UTS2: variants seen among roughly 807,000 people sequenced by gnomAD.
The protein encoded by UTS2 is urotensin 2, also known as urotensin-2.
In UTS2, 10 loss-of-function variants were observed where a neutral mutation model predicts 12.6. That is an observed-to-expected ratio of 0.80 (90% CI 0.49 to 1.35). UTS2 has a LOEUF of 1.35. UTS2 is among the 40% of genes most tolerant of loss of function. UTS2 has a pLI of 0.00. For synonymous variants in UTS2, 52 were observed against 50.0 expected, an observed-to-expected ratio of 1.04 and a Z score of -0.17; for missense variants, 142 against 143.2, an observed-to-expected ratio of 0.99 and a Z score of 0.04.
the UTS2 span, among the ~76,000 whole-genome samples, chr1:7,882,161 G>A: frequency 2.2e-4 from 30 of 136,886 alleles, no homozygotes; most frequent in African/African-American, 5.4e-4. Flanking sequence ...AAAGGGAGAC[G>A]CCATCTCTAC....
At chr1:7,869,802 T>C in the UTS2 span, among the ~76,000 whole-genome samples, 59,703 of 152,158 alleles carry the variant, frequency 0.39, 12,559 homozygotes, top group African/African-American at 0.53. Flanking sequence ...CTAGGAGGTT[T>C]GATTGAGAGA....
At chr1:7,905,689 T>G in the UTS2 span, among the ~76,000 whole-genome samples, 3 of 152,122 alleles carry the variant, frequency 2.0e-5, no homozygotes, top group Non-Finnish European at 4.4e-5. Flanking sequence ...TACTGCAACA[T>G]CAGCTCTTCC....
chr1:7,847,718 A>T lies in UTS2; in HGVS notation c.*48T>A, dbSNP rs939376863. On this transcript the variant is annotated 3_prime_UTR_variant, in exon 4 of 4. Transcript: ENST00000361696. ...AATCAAGCATTGTGTTATTTTTCAT[A>T]TTCTAAGATGGGTGTTTCTGAGCTG... The T allele has an allele frequency of 2.8e-6, 4 of 1,417,152 alleles. No individual in the cohort carries two copies. Among genetic ancestry groups the T allele is most frequent in the Non-Finnish European group, 3.9e-6 (4 of 1,012,886 alleles). 87.8% of individuals were successfully genotyped at this position (1,417,152 alleles called of 1,614,324 possible). A position where few individuals can be genotyped will look rare whatever the true frequency, so the allele number is the denominator to read the frequency against.
upstream of UTS2, chr1:7,853,386 G>A (rs200948566): frequency 8.7e-6 from 14 of 1,614,156 alleles, no homozygotes; most frequent in East Asian, 8.9e-5. Context: ...TTATGAGTCC[G>A]AGCAGAAGTG....
At chr1:7,848,315 T>C (rs2151381532) in intron 3 of UTS2, among the ~76,000 whole-genome samples, 1 of 152,034 alleles carries the variant, frequency 6.6e-6, no homozygotes, top group East Asian at 1.9e-4. Context: ...GGCGGGCTCC[T>C]GTAGTCCCAG....
chr1:7,894,165 ATC>A, the UTS2 span, among the ~76,000 whole-genome samples: 4 of 124,650 alleles, frequency 3.2e-5, no homozygotes, highest in African/African-American at 9.2e-5. Flanking sequence ...TTCTTTCTTT[ATC>A]TCTCTCTTTT....
chr1:7,890,789 G>A, the UTS2 span, among the ~76,000 whole-genome samples: 9 of 144,788 alleles, frequency 6.2e-5, no homozygotes, highest in East Asian at 2.0e-4. Flanking sequence ...CCAGCTACTC[G>A]AGAGGCTGAG....
At chr1:7,854,903 G>A (rs946753027), upstream of UTS2, among the ~76,000 whole-genome samples, 1 of 152,130 alleles carries the variant, frequency 6.6e-6, no homozygotes, top group African/African-American at 2.4e-5. Context: ...GCTCACACCT[G>A]TAATCCCAGC....
chr1:7,857,107 T>TGAAGGAAGGAAGGAAGGAAGGAAGGAA (rs1638328760), upstream of UTS2, among the ~76,000 whole-genome samples: 4 of 125,284 alleles, frequency 3.2e-5, no homozygotes, highest in Non-Finnish European at 4.9e-5. Context: ...AGAAAAGGAA[T>TGAAGGAAGGAAGGAAGGAAGGAAGGAA]GAAGGAAGGA....
the UTS2 span, among the ~76,000 whole-genome samples, chr1:7,891,172 G>T: frequency 1.3e-5 from 2 of 152,304 alleles, no homozygotes; most frequent in South Asian, 4.1e-4. Context: ...TAGAATGGTG[G>T]TTACCAGGTG....
At chr1:7,885,699 G>A in the UTS2 span, among the ~76,000 whole-genome samples, 1 of 152,010 alleles carries the variant, frequency 6.6e-6, no homozygotes, top group Non-Finnish European at 1.5e-5. Flanking sequence ...CAGAGGGGCG[G>A]GGCCAAGGAG....
At chr1:7,854,769 T>C (rs1405432276), upstream of UTS2, among the ~76,000 whole-genome samples, 1 of 152,118 alleles carries the variant, frequency 6.6e-6, no homozygotes, top group Non-Finnish European at 1.5e-5. Context: ...AAAAAAATGC[T>C]AAAAACGTGA....
At chr1:7,909,431 C>T in the UTS2 span, among the ~76,000 whole-genome samples, 1 of 151,086 alleles carries the variant, frequency 6.6e-6, no homozygotes, top group African/African-American at 2.4e-5. Context: ...TGTAATCCAG[C>T]TACTCAGGAG....
the UTS2 span, among the ~76,000 whole-genome samples, chr1:7,907,738 C>A: frequency 1.3e-5 from 2 of 152,050 alleles, no homozygotes; most frequent in African/African-American, 4.8e-5. Context: ...GTTTTTTAGA[C>A]TCCCTTAGGC....
the UTS2 span, among the ~76,000 whole-genome samples, chr1:7,909,943 C>T: frequency 4.7e-4 from 72 of 152,310 alleles, no homozygotes; most frequent in African/African-American, 1.7e-3. Context: ...CACAGAAGCA[C>T]ACACAGTACA....
upstream of UTS2, among the ~76,000 whole-genome samples, chr1:7,854,776 G>A (rs1387003069): frequency 6.6e-6 from 1 of 152,054 alleles, no homozygotes; most frequent in African/African-American, 2.4e-5. Context: ...TGCTAAAAAC[G>A]TGAAGTAATA....
the UTS2 span, among the ~76,000 whole-genome samples, chr1:7,908,480 A>G: frequency 1.5e-4 from 22 of 148,550 alleles, no homozygotes; most frequent in South Asian, 2.1e-4. Flanking sequence ...AAAAAAAAAA[A>G]GGGATCATGA....
the UTS2 span, among the ~76,000 whole-genome samples, chr1:7,873,658 T>C: frequency 6.6e-6 from 1 of 152,198 alleles, no homozygotes; most frequent in African/African-American, 2.4e-5. Flanking sequence ...TTGCTTCCTA[T>C]GGATGAGCAA....
chr1:7,848,193 A>G, intron 3 of UTS2, among the ~76,000 whole-genome samples: 1 of 152,086 alleles, frequency 6.6e-6, no homozygotes, highest in East Asian at 1.9e-4. Flanking sequence ...CATGCCTATA[A>G]TCCTAGCACT....
Sources: allele counts gnomAD v4.1 joint callset (sites outside exome capture counted in the v4.1 genomes callset), GRCh38; gene constraint gnomAD v4.1.1; transcripts MANE v1.5; gene names NCBI Gene and HGNC (gene_info 2026-07-23, HGNC 2026-07-21).